UBR3: variants seen among roughly 807,000 people sequenced by gnomAD.
The protein encoded by UBR3 is ubiquitin protein ligase E3 component n-recognin 3.
A neutral mutation model predicts 243.2 loss-of-function variants in UBR3; 85 were observed. The observed-to-expected ratio is 0.35, with a 90% CI of 0.29 to 0.42. The LOEUF is 0.42. Among genes scored for constraint, UBR3 ranks in the 10% least tolerant of loss-of-function variants. The probability of loss-of-function intolerance (pLI) is 1.00; values close to 1 mark genes in which losing one functional copy is unlikely to be tolerated. For synonymous variants in UBR3, 748 were observed against 799.8 expected, an observed-to-expected ratio of 0.94 and a Z score of 1.09; for missense variants, 1,686 against 2,300.8, an observed-to-expected ratio of 0.73 and a Z score of 5.47.
chr2:170,017,427 C>T (rs879067937), intron 30 of UBR3, among the ~76,000 whole-genome samples: 4 of 151,748 alleles, frequency 2.6e-5, no homozygotes, highest in Non-Finnish European at 2.9e-5. Flanking sequence ...TGTTCTGTTA[C>T]GACTTCTTGA....
At chr2:169,911,243 G>C (rs1217561980) in intron 10 of UBR3, among the ~76,000 whole-genome samples, 5 of 152,160 alleles carry the variant, frequency 3.3e-5, no homozygotes, top group Non-Finnish European at 7.4e-5. Flanking sequence ...CTTGCTTTCT[G>C]AGGAGAAAAA....
chr2:169,832,411 G>T, intron 1 of UBR3, among the ~76,000 whole-genome samples: 1 of 151,926 alleles, frequency 6.6e-6, no homozygotes, highest in South Asian at 2.1e-4. Context: ...TTAGTCAGGC[G>T]TGGTGGTGGG....
chr2:169,931,789 G>C (rs1297753220), intron 18 of UBR3, among the ~76,000 whole-genome samples: 1 of 152,054 alleles, frequency 6.6e-6, no homozygotes, highest in South Asian at 2.1e-4. Context: ...TCCTAAGCGT[G>C]ATTATTAGTG....
intron 22 of UBR3, chr2:169,949,337 T>C: frequency 3.4e-6 from 1 of 297,764 alleles, no homozygotes; most frequent in South Asian, 6.9e-5. Context: ...TGGCTGTAGA[T>C]ACTACTTAAG....
chr2:169,871,514 C>T (rs1038392398), intron 1 of UBR3, among the ~76,000 whole-genome samples: 11 of 151,768 alleles, frequency 7.2e-5, no homozygotes, highest in East Asian at 3.9e-4. Context: ...GGGGCCGAGG[C>T]GGGCGGAGCA....
chr2:170,061,578 C>T (rs1229137212), intron 35 of UBR3, 135 bp downstream of exon 35: 1 of 1,045,820 alleles, frequency 9.6e-7, no homozygotes. Context: ...AGCAATCCTC[C>T]TCCCTCAGCC....
chr2:170,026,133 CAGA>C (rs1036193803), intron 30 of UBR3, among the ~76,000 whole-genome samples: 2 of 151,104 alleles, frequency 1.3e-5, no homozygotes, highest in Non-Finnish European at 2.9e-5. Context: ...GGTTCATTAG[CAGA>C]AGAAGGGCAC....
At chr2:170,003,704 GATCTCGGCTCACTGCA>G (rs986882955) in intron 27 of UBR3, among the ~76,000 whole-genome samples, 2 of 151,786 alleles carry the variant, frequency 1.3e-5, no homozygotes, top group African/African-American at 4.8e-5. Context: ...GCAGTGGCGC[GATCTCGGCTCACTGCA>G]AGCTCCGCCT....
intron 29 of UBR3, chr2:170,014,391 A>C: frequency 7.0e-6 from 1 of 142,958 alleles, no homozygotes; most frequent in Admixed American, 7.1e-5. Context: ...GTATCTCACT[A>C]TTAGGGTCAA....
At chr2:169,898,484 T>C (rs1015456926) in intron 8 of UBR3, among the ~76,000 whole-genome samples, 1 of 152,144 alleles carries the variant, frequency 6.6e-6, no homozygotes, top group African/African-American at 2.4e-5. Flanking sequence ...ATTTTATAGA[T>C]GAGGCAGCTG....
At chr2:170,080,367 C>G (rs1265921857) in intron 37 of UBR3, 178 bp from the exon 38 acceptor site, 1 of 748,326 alleles carries the variant, frequency 1.3e-6, no homozygotes, top group East Asian at 2.8e-5. Flanking sequence ...TATTCCTTAC[C>G]CAAATACCTC....
At chr2:169,928,988 A>G (rs2086013913) in intron 18 of UBR3, 120 bp downstream of exon 18, 3 of 879,256 alleles carry the variant, frequency 3.4e-6, no homozygotes, top group Non-Finnish European at 4.6e-6. Context: ...TCTTTTCTCC[A>G]TTTTGTTATA....
Position 169,891,157 on chromosome 2 carries a change from T to C in UBR3, c.1039-8T>C. 2 of 1,546,276 alleles carry C rather than the reference T, an allele frequency of 1.3e-6. No individual in the cohort carries two copies. The highest frequency in any genetic ancestry group is 1.7e-6 in the Non-Finnish European group (2 of 1,142,966). On this transcript the variant is annotated splice_region_variant and splice_polypyrimidine_tract_variant and intron_variant, in intron 5 of 38. Coordinates refer to ENST00000272793, the MANE Select transcript of UBR3 (RefSeq NM_172070.4). ...ACTGTGTATAATGCTAATATTATTT[T>C]CCTTCAGGATGATCAGGATGGTAGT...
intron 35 of UBR3, among the ~76,000 whole-genome samples, chr2:170,064,061 A>G (rs1360702533): frequency 6.6e-6 from 1 of 152,188 alleles, no homozygotes; most frequent in Non-Finnish European, 1.5e-5. Flanking sequence ...AGTACAAAGC[A>G]TATGCTTATG....
chr2:169,873,067 TG>T lies in UBR3; in HGVS notation c.685+693del, dbSNP rs537762991. Among the ~76,000 whole-genome samples the T allele has an allele frequency of 2.9e-3, 445 of 152,232 alleles. 2 individuals carry two copies. Among genetic ancestry groups the T allele is most frequent in the African/African-American group, 0.01 (429 of 41,562 alleles). ...AATCAAATTTATTAACTTTTTATGATGTTTTTTACCTTTCTAATGATACTTG... is the reference window on the plus strand; with the variant it reads ...AATCAAATTTATTAACTTTTTATGATTTTTTTACCTTTCTAATGATACTTG... On this transcript the variant is annotated intron_variant, in intron 2 of 38. Coordinates refer to ENST00000272793, the MANE Select transcript of UBR3 (RefSeq NM_172070.4).
rs1174335876 is a variant in UBR3, at chr2:169,949,726, G to C, written c.3206G>C (p.Trp1069Ser). Reference protein sequence around the residue: ...QVVRPKTSSKWSAPGSAPQLT... With the variant: ...QVVRPKTSSKSSAPGSAPQLT... The stretch of plus-strand genomic sequence containing the variant: ...GTTCGTCCCAAAACTTCAAGTAAAT[G>C]GTCTGCTCCTGGTTCAGCTCCACAG... The change falls in exon 23 of 39, where the codon TGG becomes TCG. Residue 1069 changes from tryptophan to serine, a missense_variant. Transcript: ENST00000272793. 6.4e-7 allele frequency: 1 copy of C among 1,551,596 alleles called. No individual in the cohort carries two copies. The highest frequency in any genetic ancestry group is 8.7e-7 in the Non-Finnish European group (1 of 1,146,768).
chr2:169,849,526 C>T (rs1358954208), intron 1 of UBR3, among the ~76,000 whole-genome samples: 1 of 152,162 alleles, frequency 6.6e-6, no homozygotes, highest in African/African-American at 2.4e-5. Context: ...AACTCTTGAC[C>T]TCAAGTGATC....
At position 170,073,543 on chromosome 2, in the gene UBR3, A is replaced by G. The variant is rs1329739828; in HGVS notation, c.5135A>G (p.Asp1712Gly). 2 of 1,613,736 alleles carry G rather than the reference A, an allele frequency of 1.2e-6. No homozygotes were observed. The highest frequency in any genetic ancestry group is 8.5e-7 in the Non-Finnish European group (1 of 1,179,744). The change falls in exon 36 of 39, where the codon GAT becomes GGT. Residue 1712 changes from aspartate to glycine, a missense_variant. Physicochemically the swap from Asp to Gly is moderately conservative, Grantham distance 94. Coordinates refer to ENST00000272793, the MANE Select transcript of UBR3 (RefSeq NM_172070.4). ...CTGGATTGGCCAGTTCCAGCATTTG[A>G]TATTATAACTCAGTGGTGTTTTGAG... ...SCLDWPVPAF[D>G]IITQWCFEIK...
At chr2:169,837,045 TTAAAAAAA>T (rs1211234608) in intron 1 of UBR3, among the ~76,000 whole-genome samples, 1 of 152,246 alleles carries the variant, frequency 6.6e-6, no homozygotes, top group Non-Finnish European at 1.5e-5. Flanking sequence ...TCACCTTGGT[TTAAAAAAA>T]TGCTTATATG....
Sources: gnomAD v4.1 joint callset for allele counts (sites outside exome capture counted in the v4.1 genomes callset) on GRCh38, gnomAD v4.1.1 for gene constraint, MANE v1.5 for transcripts, NCBI Gene and HGNC (gene_info 2026-07-23, HGNC 2026-07-21) for gene names.